Variants in CELF2 observed in about 807,000 individuals in gnomAD.
CELF2 encodes CUG triplet repeat RNA-binding protein 2.
CELF2 carries 8 observed loss-of-function variants against 62.6 expected under a neutral mutation model. That is an observed-to-expected ratio of 0.13 (90% CI 0.07 to 0.23). The LOEUF (loss-of-function observed/expected upper bound fraction) is 0.23. CELF2 is among the 10% of genes least tolerant of loss of function. The probability of loss-of-function intolerance (pLI) is 1.00; values close to 1 mark genes in which losing one functional copy is unlikely to be tolerated. For synonymous variants in CELF2, 258 were observed against 250.0 expected (o/e 1.03, Z -0.30); for missense variants, 333 against 671.0 (o/e 0.50, Z 5.56).
chr10:10,731,698 A>G, the CELF2 span, among the ~76,000 whole-genome samples: 1 of 152,220 alleles, frequency 6.6e-6, no homozygotes, highest in Non-Finnish European at 1.5e-5. Context: ...GAACACTGCT[A>G]CTTTCAATCA....
chr10:10,639,700 G>A, the CELF2 span, among the ~76,000 whole-genome samples: 2 of 152,058 alleles, frequency 1.3e-5, no homozygotes, highest in African/African-American at 2.4e-5. Context: ...TTTCGTGTAG[G>A]CTTTTATTGG....
chr10:10,698,919 G>A, the CELF2 span, among the ~76,000 whole-genome samples: 1 of 151,908 alleles, frequency 6.6e-6, no homozygotes, highest in African/African-American at 2.4e-5. Context: ...TTGCAGTGTG[G>A]CTTTAGGTAA....
the CELF2 span, among the ~76,000 whole-genome samples, chr10:10,620,450 CAA>C: frequency 1.4e-3 from 122 of 88,248 alleles, 1 homozygote; most frequent in African/African-American, 4.7e-3. Context: ...GGCTCAGTCT[CAA>C]AAAAAAAAAA....
At chr10:11,009,376 G>A (rs1013586942) in intron 1 of CELF2, among the ~76,000 whole-genome samples, 1 of 151,752 alleles carries the variant, frequency 6.6e-6, no homozygotes, top group Non-Finnish European at 1.5e-5. Context: ...TGCGCGCGTC[G>A]GAACCTCCGT....
intron 1 of CELF2, among the ~76,000 whole-genome samples, chr10:11,028,621 A>T (rs2059625793): frequency 6.6e-6 from 1 of 150,806 alleles, no homozygotes; most frequent in South Asian, 2.1e-4. Flanking sequence ...GGGTTTCACC[A>T]TGTTGGCCAG....
At chr10:10,625,157 G>A in the CELF2 span, among the ~76,000 whole-genome samples, 4 of 151,320 alleles carry the variant, frequency 2.6e-5, no homozygotes, top group Non-Finnish European at 5.9e-5. Context: ...AAAAACATAG[G>A]GAAGGTGGGA....
At chr10:11,231,724 C>T (rs1399257501) in intron 3 of CELF2, among the ~76,000 whole-genome samples, 1 of 136,414 alleles carries the variant, frequency 7.3e-6, no homozygotes, top group African/African-American at 2.7e-5. Context: ...AGGCAAGAAA[C>T]GTTTAGTCTT....
intron 1 of CELF2, among the ~76,000 whole-genome samples, chr10:11,062,965 A>G (rs891199043): frequency 1.3e-5 from 2 of 152,182 alleles, no homozygotes; most frequent in Non-Finnish European, 2.9e-5. Flanking sequence ...GTCAGTAGCC[A>G]TCAGCATCGA....
Position 11,165,657 on chromosome 10 carries a change from G to A in CELF2, c.246G>A (p.Arg82=). The A allele has an allele frequency of 3.1e-6, 5 of 1,613,896 alleles. No individual in the cohort carries two copies. Among genetic ancestry groups the A allele is most frequent in the Non-Finnish European group, 4.2e-6 (5 of 1,179,886 alleles). Residue 82 remains arginine (R), a synonymous_variant, in exon 2 of 13, where the codon CGG becomes CGA. Coordinates refer to ENST00000633077, the MANE Select transcript of CELF2 (RefSeq NM_001326342.2). This position sits in a 1 kb window ranked among gnomAD's most constrained non-coding sequence, Gnocchi z 7.4. ...ACCAGATCAACGTCCTCCGGGACCG[G>A]AGTCAGAACCCTCCGCAGAGTAAAG... ...AVYQINVLRD[R]SQNPPQSKGC...
chr10:11,325,716 C>CATCT lies in CELF2; in HGVS notation c.1295-119_1295-116dup, dbSNP rs2095689589. 5.8e-5 allele frequency: 47 copies of CATCT among 811,534 alleles called. No individual in the cohort carries two copies. The South Asian group carries it at 9.3e-4, about 16-fold the overall frequency. The allele number at this position is 811,534 out of a possible 1,614,324, so 50.3% of individuals were successfully genotyped here. On this transcript the variant is annotated intron_variant, in intron 11 of 12. Transcript: ENST00000633077. ...GGCACTCCAGCACTTGACATTTATC[C>CATCT]ATCTGTTTGTTTGTTCAACTAAATG...
intron 1 of CELF2, among the ~76,000 whole-genome samples, chr10:11,044,067 T>C (rs896701739): frequency 6.6e-6 from 1 of 152,222 alleles, no homozygotes; most frequent in Non-Finnish European, 1.5e-5. Flanking sequence ...CCTTTGCGTC[T>C]TCACTTCTTC....
At chr10:11,032,790 T>A (rs2060334446) in intron 1 of CELF2, among the ~76,000 whole-genome samples, 1 of 152,146 alleles carries the variant, frequency 6.6e-6, no homozygotes. Flanking sequence ...TTCTCTGGTG[T>A]CTGTGTCTGA....
At position 11,331,580 on chromosome 10, in the gene CELF2, T is replaced by C. The variant is rs1445005321; in HGVS notation, c.*2527T>C. The stretch of plus-strand genomic sequence containing the variant: ...TTGATAACATGGGTATTTTATTATG[T>C]GTTTTGTATAAATCCCTAATATTTA... On this transcript the variant is annotated 3_prime_UTR_variant, in exon 13 of 13. Transcript: ENST00000633077. 3 of 152,390 alleles carry C rather than the reference T, an allele frequency of 2.0e-5. No individual in the cohort carries two copies. The highest frequency in any genetic ancestry group is 1.5e-5 in the Non-Finnish European group (1 of 68,006). 9.4% of individuals were successfully genotyped at this position (152,390 alleles called of 1,614,324 possible). A position where few individuals can be genotyped will look rare whatever the true frequency, so the allele number is the denominator to read the frequency against.
rs1367111357 is a variant in CELF2 at position 11,227,716 on chromosome 10, C to CTCTG, written c.354+10210_354+10213dup. Among the ~76,000 whole-genome samples the CTCTG allele has an allele frequency of 6.6e-6, 1 of 152,178 alleles. No individual in the cohort carries two copies. Among genetic ancestry groups the CTCTG allele is most frequent in the Non-Finnish European group, 1.5e-5 (1 of 68,028 alleles). ...TCAGAGCTCATGATGTCATGGTGGC[C>CTCTG]TCTGGCAGCTTGGGTTAGACCAGGT... On this transcript the variant is annotated intron_variant, in intron 3 of 12. Transcript: ENST00000633077. This position sits in a 1 kb window ranked among gnomAD's most constrained non-coding sequence, Gnocchi z 4.8.
chr10:11,193,374 G>A (rs894769261), intron 2 of CELF2, among the ~76,000 whole-genome samples: 2 of 152,226 alleles, frequency 1.3e-5, no homozygotes, highest in Non-Finnish European at 2.9e-5. Flanking sequence ...ACACATTTCT[G>A]TGAATGTGTA....
At chr10:10,852,235 A>AATG (rs2059426233) in intron 1 of CELF2, among the ~76,000 whole-genome samples, 3 of 152,240 alleles carry the variant, frequency 2.0e-5, no homozygotes, top group Non-Finnish European at 2.9e-5. Context: ...AATGTGATAC[A>AATG]TCCATACAAT....
intron 1 of CELF2, among the ~76,000 whole-genome samples, chr10:10,826,988 G>C (rs1479284789): frequency 1.3e-5 from 2 of 152,094 alleles, no homozygotes; most frequent in Non-Finnish European, 2.9e-5. Flanking sequence ...TCCTTCCCTG[G>C]GATCTTTCAG....
intron 1 of CELF2, among the ~76,000 whole-genome samples, chr10:11,104,977 C>G (rs1217630993): frequency 1.3e-5 from 2 of 152,204 alleles, no homozygotes; most frequent in Non-Finnish European, 2.9e-5. Context: ...TTCTCTGAAG[C>G]TGGTCCACTG....
chr10:10,889,375 A>T (rs748179142), intron 1 of CELF2, among the ~76,000 whole-genome samples: 1 of 152,214 alleles, frequency 6.6e-6, no homozygotes, highest in Non-Finnish European at 1.5e-5. Context: ...AGGCAGCATG[A>T]TACAAAACAG....
Sources: allele counts gnomAD v4.1 joint callset (sites outside exome capture counted in the v4.1 genomes callset), GRCh38; gene constraint gnomAD v4.1.1; non-coding constraint Gnocchi (gnomAD v3.1); transcripts MANE v1.5; gene names NCBI Gene and HGNC (gene_info 2026-07-23, HGNC 2026-07-21).